The following SEMA3C variants were observed in gnomAD, a reference collection of about 807,000 sequenced individuals.
The protein encoded by SEMA3C is semaphorin-3C.
Under a neutral mutation model 89.4 loss-of-function variants are expected in SEMA3C, and 47 were observed. The observed-to-expected ratio is 0.53, with a 90% CI of 0.42 to 0.67. The LOEUF (loss-of-function observed/expected upper bound fraction) is 0.67. Ranked by LOEUF, SEMA3C falls within the 30% of genes least tolerant of loss-of-function variation. The pLI is 0.00. For synonymous variants in SEMA3C, 310 were observed against 320.2 expected (o/e 0.97, Z 0.34); for missense variants, 839 against 929.1 (o/e 0.90, Z 1.26).
chr7:80,815,573 A>T (rs867748472), intron 5 of SEMA3C, among the ~76,000 whole-genome samples: 8 of 146,606 alleles, frequency 5.5e-5, no homozygotes, highest in Non-Finnish European at 9.0e-5. Context: ...AAAAAAAAAA[A>T]GTAAATGTAG....
intron 11 of SEMA3C, among the ~76,000 whole-genome samples, chr7:80,791,271 T>TA (rs1198080936): frequency 6.6e-6 from 1 of 152,106 alleles, no homozygotes; most frequent in East Asian, 1.9e-4. Flanking sequence ...ACTCACTCAC[T>TA]AATTGGATCT....
At chr7:80,914,985 A>G (rs1399237093) in intron 2 of SEMA3C, among the ~76,000 whole-genome samples, 3 of 152,190 alleles carry the variant, frequency 2.0e-5, no homozygotes, top group African/African-American at 4.8e-5. Flanking sequence ...TATCTCTAGT[A>G]ACACACTTTT....
chr7:80,894,659 A>C (rs2116165632), intron 2 of SEMA3C, among the ~76,000 whole-genome samples: 1 of 152,298 alleles, frequency 6.6e-6, no homozygotes, highest in East Asian at 1.9e-4. Flanking sequence ...GGATATTTTA[A>C]TAAATCAACT....
intron 11 of SEMA3C, among the ~76,000 whole-genome samples, chr7:80,790,441 G>A (rs1333686247): frequency 6.6e-6 from 1 of 152,134 alleles, no homozygotes; most frequent in Non-Finnish European, 1.5e-5. Context: ...CTCTATCAAA[G>A]ATCCCATTCA....
intron 12 of SEMA3C, among the ~76,000 whole-genome samples, chr7:80,776,047 C>T (rs1183694401): frequency 6.6e-6 from 1 of 152,020 alleles, no homozygotes; most frequent in Non-Finnish European, 1.5e-5. Flanking sequence ...ACAAAGATTA[C>T]TTTACTAAAT....
At chr7:80,803,624 T>A (rs1789264683) in intron 8 of SEMA3C, among the ~76,000 whole-genome samples, 1 of 152,166 alleles carries the variant, frequency 6.6e-6, no homozygotes, top group Non-Finnish European at 1.5e-5. Flanking sequence ...TTACTGTTTT[T>A]AATTAGAATT....
At chr7:80,785,357 G>A (rs550910974) in intron 12 of SEMA3C, among the ~76,000 whole-genome samples, 1 of 152,120 alleles carries the variant, frequency 6.6e-6, no homozygotes, top group East Asian at 1.9e-4. Context: ...TCTTCATTGA[G>A]TTCCCCTGAA....
At chr7:80,752,019 A>G (rs968675718) in intron 15 of SEMA3C, among the ~76,000 whole-genome samples, 2 of 152,190 alleles carry the variant, frequency 1.3e-5, no homozygotes, top group Non-Finnish European at 2.9e-5. Context: ...GCAAATATAT[A>G]TCATGTATAT....
At chr7:80,863,352 A>C (rs973992027) in intron 2 of SEMA3C, among the ~76,000 whole-genome samples, 3 of 151,824 alleles carry the variant, frequency 2.0e-5, no homozygotes, top group Non-Finnish European at 2.9e-5. Context: ...AAAAAAAAAA[A>C]AACAGTAGAT....
At chr7:80,832,698 A>G (rs1345667683) in intron 2 of SEMA3C, among the ~76,000 whole-genome samples, 2 of 152,196 alleles carry the variant, frequency 1.3e-5, no homozygotes, top group Non-Finnish European at 2.9e-5. Flanking sequence ...GCATCTACCA[A>G]GAAAGTTCCT....
At chr7:80,823,329 G>GA (rs1273060314) in intron 4 of SEMA3C, among the ~76,000 whole-genome samples, 1 of 152,174 alleles carries the variant, frequency 6.6e-6, no homozygotes, top group African/African-American at 2.4e-5. Flanking sequence ...AAGATGTACA[G>GA]AAAGTTTAAG....
chr7:80,759,565 G>T (rs1185763209), intron 14 of SEMA3C, among the ~76,000 whole-genome samples: 1 of 152,090 alleles, frequency 6.6e-6, no homozygotes, highest in East Asian at 1.9e-4. Context: ...AATGTTGTAA[G>T]GTTTTCCTCC....
At position 80,912,786 on chromosome 7, in the gene SEMA3C, GAAC is replaced by G. The variant is rs142101440; in HGVS notation, c.103+3890_103+3892del. ...CTTCCAAGATTAACGGAGAAATCAA[GAAC>G]AACTGCTTTTATTTTCATTTCTTGG... On this transcript the variant is annotated intron_variant, in intron 2 of 17. Coordinates refer to ENST00000265361, the MANE Select transcript of SEMA3C (RefSeq NM_006379.5). Among the ~76,000 whole-genome samples, 1,071 of 152,244 alleles carry G rather than the reference GAAC, an allele frequency of 7.0e-3. 15 individuals are homozygous for G. Among genetic ancestry groups the G allele is most frequent in the African/African-American group, 0.024 (985 of 41,550 alleles).
At chr7:80,828,446 G>A (rs980809243) in intron 3 of SEMA3C, 139 bp downstream of exon 3, 1 of 656,448 alleles carries the variant, frequency 1.5e-6, no homozygotes, top group Non-Finnish European at 2.4e-6. Flanking sequence ...CATGAAATAA[G>A]TACTAACTTT....
intron 2 of SEMA3C, among the ~76,000 whole-genome samples, chr7:80,841,407 C>A (rs974244471): frequency 1.3e-5 from 2 of 152,140 alleles, no homozygotes; most frequent in Non-Finnish European, 2.9e-5. Context: ...AATGCCCTGT[C>A]AGTTAAAAGG....
chr7:80,765,288 A>T (rs1183029312), intron 12 of SEMA3C, 45 bp from the exon 13 acceptor site: 2 of 1,425,936 alleles, frequency 1.4e-6, no homozygotes, highest in Non-Finnish European at 2.0e-6. Flanking sequence ...TACTTTTTAA[A>T]AGAAAGCTAT....
intron 12 of SEMA3C, among the ~76,000 whole-genome samples, chr7:80,765,607 T>C (rs974547597): frequency 2.0e-5 from 3 of 151,928 alleles, no homozygotes; most frequent in African/African-American, 4.9e-5. Flanking sequence ...GACAGTGTCT[T>C]GCTCTCTTGC....
At chr7:80,865,451 T>C (rs1380328995) in intron 2 of SEMA3C, among the ~76,000 whole-genome samples, 1 of 152,194 alleles carries the variant, frequency 6.6e-6, no homozygotes, top group Non-Finnish European at 1.5e-5. Context: ...TACTGTCTCA[T>C]TTATCTGGAA....
intron 2 of SEMA3C, among the ~76,000 whole-genome samples, chr7:80,881,164 A>AACACACACACACACACAC (rs71802410): frequency 7.4e-6 from 1 of 135,434 alleles, no homozygotes; most frequent in Non-Finnish European, 1.6e-5. Context: ...TGGAGAAAGA[A>AACACACACACACACACAC]ACACACACAC....
Sources: allele counts gnomAD v4.1 joint callset (sites outside exome capture counted in the v4.1 genomes callset), GRCh38; gene constraint gnomAD v4.1.1; transcripts MANE v1.5; gene names NCBI Gene and HGNC (gene_info 2026-07-23, HGNC 2026-07-21).